TIE1: variants seen among roughly 807,000 people sequenced by gnomAD.
TIE1 encodes the protein tyrosine kinase with immunoglobulin like and EGF like domains 1.
Under a neutral mutation model 130.5 loss-of-function variants are expected in TIE1, and 89 were observed. The ratio of observed to expected loss-of-function variants is 0.68; its 90% CI spans 0.57 to 0.81. The LOEUF (loss-of-function observed/expected upper bound fraction) is 0.81, where lower values mean the gene tolerates loss of function less well. Ranked by LOEUF, TIE1 falls within the 40% of genes least tolerant of loss-of-function variation. TIE1 has a pLI of 0.00. For synonymous variants in TIE1, 568 were observed against 629.4 expected, an observed-to-expected ratio of 0.90 and a Z score of 1.46; for missense variants, 1,392 against 1,559.8, an observed-to-expected ratio of 0.89 and a Z score of 1.81.
Position 43,309,188 on chromosome 1 carries a change from A to C in TIE1, c.1188+57A>C. The stretch of plus-strand genomic sequence containing the variant: ...CCTCAGGCCGCCTGCTTCACAGCTG[A>C]TCCCTAAGACCCCCTAGTCCCTCAG... On this transcript the variant is annotated intron_variant, in intron 8 of 22. Transcript: ENST00000372476. The surrounding 1 kb of genome is among the most constrained non-coding windows in gnomAD (Gnocchi z 6.3). 1 of 1,545,204 alleles carries C rather than the reference A, an allele frequency of 6.5e-7. No individual in the cohort carries two copies. The highest frequency in any genetic ancestry group is 8.7e-7 in the Non-Finnish European group (1 of 1,144,120).
At chr1:43,314,534 A>G in intron 14 of TIE1, 1 of 999,298 alleles carries the variant, frequency 1.0e-6, no homozygotes, top group Non-Finnish European at 1.2e-6. Flanking sequence ...CCTTTTGGAG[A>G]CTTAAGAAAG....
intron 1 of TIE1, 61 bp from the exon 2 acceptor site, chr1:43,304,790 G>C (rs887170872): frequency 1.5e-6 from 2 of 1,375,102 alleles, no homozygotes; most frequent in African/African-American, 3.1e-5. Context: ...CTGGGGCTGG[G>C]GGCTCTGGGG....
In TIE1 at chr1:43,322,959, G is replaced by A; in HGVS notation, c.*237G>A. ...TCTTTCTAGTTCAGCTGCCCCACAGGTGTGTTTCCCATCCCACTGCTCCCC... is the reference window on the plus strand; with the variant it reads ...TCTTTCTAGTTCAGCTGCCCCACAGATGTGTTTCCCATCCCACTGCTCCCC... On this transcript the variant is annotated 3_prime_UTR_variant, in exon 23 of 23. Transcript: ENST00000372476. The surrounding 1 kb of genome is among the most constrained non-coding windows in gnomAD (Gnocchi z 4.0). 2 of 521,644 alleles carry A rather than the reference G, an allele frequency of 3.8e-6. No individual in the cohort carries two copies. Among genetic ancestry groups the A allele is most frequent in the South Asian group, 2.5e-5 (1 of 39,920 alleles). 32.3% of individuals were successfully genotyped at this position (521,644 alleles called of 1,614,324 possible).
At position 43,305,159 on chromosome 1, in the gene TIE1, C is replaced by T. The variant is rs199695385; in HGVS notation, c.367C>T (p.Pro123Ser). The T allele has an allele frequency of 1.9e-6, 3 of 1,614,030 alleles. No homozygotes were observed. The Admixed American group carries it at 5.0e-5, about 27-fold the overall frequency. Residue 123 changes from proline (P) to serine (S), a missense_variant, in exon 2 of 23, where the codon CCT (proline) becomes TCT (serine). Pro to Ser is a moderately conservative substitution (Grantham distance 74). Transcript: ENST00000372476. ...GCGCGTCATCTACGTGCACAACAGC[C>T]CTGGAGGTGAGTTAGGCAGGCGGGG... ...RTRVIYVHNS[P>S]GAHLLPDKVT... is the part of the protein sequence containing the mutation.
At position 43,305,322 on chromosome 1, in the gene TIE1, G is replaced by C. The variant is rs1299038418; in HGVS notation, c.463G>C (p.Asp155His). ...ACGTGTGCACAAGGAGAAGCAGACA[G>C]ACGTGATCTGGAAGAGCAACGGTAA... ...SARVHKEKQT[D>H]VIWKSNGSYF... The change falls in exon 3 of 23, where the codon GAC (aspartate) becomes CAC (histidine). Residue 155 changes from aspartate to histidine, a missense_variant. This residue lies in a region of TIE1 where 415 missense variants were observed against 424.8 expected (regional missense o/e 0.98). Transcript: ENST00000372476. 1 of 1,574,780 alleles carries C rather than the reference G, an allele frequency of 6.4e-7. No homozygotes were observed. The highest frequency in any genetic ancestry group is 1.4e-5 in the African/African-American group (1 of 69,874).
chr1:43,305,352 G>A lies in TIE1; in HGVS notation c.484+9G>A, dbSNP rs1189961463. ...GATCTGGAAGAGCAACGGTAAAGAG[G>A]GGCATTTGAACTGGTGGGGAGGGTA... On this transcript the variant is annotated intron_variant, in intron 3 of 22. Transcript: ENST00000372476. 2 of 1,541,394 alleles carry A rather than the reference G, an allele frequency of 1.3e-6. No individual in the cohort carries two copies. The highest frequency in any genetic ancestry group is 4.7e-5 in the East Asian group (2 of 42,882).
At chr1:43,303,560 A>C (rs552738890) in intron 1 of TIE1, among the ~76,000 whole-genome samples, 1 of 152,302 alleles carries the variant, frequency 6.6e-6, no homozygotes, top group African/African-American at 2.4e-5. Flanking sequence ...GAGACAGAGA[A>C]GGAAGGGCTT....
In TIE1 at chr1:43,308,981, C is replaced by G. The variant is rs374374788; in HGVS notation, c.1043-5C>G. On this transcript the variant is annotated splice_polypyrimidine_tract_variant and splice_region_variant and intron_variant, in intron 7 of 22. Transcript: ENST00000372476. ...AGCTCCAGGATGAGTGTCCTTTCTC[C>G]CCAGACCGGATCCCCCAGATCCTCA... 7 of 1,613,874 alleles carry G rather than the reference C, an allele frequency of 4.3e-6. No individual in the cohort carries two copies. The highest frequency in any genetic ancestry group is 5.1e-6 in the Non-Finnish European group (6 of 1,179,956).
Position 43,309,651 on chromosome 1 carries a change from A to G in TIE1, c.1333+119A>G. ...AGGACATCTAAGGTCATAGCCTAGC[A>G]CCAGACAAAAAGCGGGGTTGTGGTC... is the stretch of plus-strand genomic sequence containing the variant. On this transcript the variant is annotated intron_variant, in intron 9 of 22. Transcript: ENST00000372476. This position sits in a 1 kb window ranked among gnomAD's most constrained non-coding sequence, Gnocchi z 6.3. The G allele has an allele frequency of 7.4e-7, 1 of 1,349,170 alleles. No individual in the cohort carries two copies. The highest frequency in any genetic ancestry group is 1.8e-5 in the South Asian group (1 of 54,714). The allele number at this position is 1,349,170 out of a possible 1,614,324, so 83.6% of individuals were successfully genotyped here. A position where few individuals can be genotyped will look rare whatever the true frequency, so the allele number is the denominator to read the frequency against.
chr1:43,306,841 A>T lies in TIE1; in HGVS notation c.486A>T (p.Gly162=). The change falls in exon 4 of 23, where the codon GGA becomes GGT. Residue 162 remains glycine, a splice_region_variant and synonymous_variant. Transcript: ENST00000372476. The surrounding 1 kb of genome is among the most constrained non-coding windows in gnomAD (Gnocchi z 4.9). ...CCCTGACACATTCATGTCCCCCAGG[A>T]TCCTACTTCTACACCCTGGACTGGC... is the stretch of plus-strand genomic sequence containing the variant. ...KQTDVIWKSN[G]SYFYTLDWHE... The T allele has an allele frequency of 6.2e-7, 1 of 1,609,538 alleles. No individual in the cohort carries two copies. Among genetic ancestry groups the T allele is most frequent in the Non-Finnish European group, 8.5e-7 (1 of 1,177,726 alleles).
chr1:43,306,710 TC>T lies in TIE1; in HGVS notation c.485-129del, dbSNP rs1646731374. The T allele has an allele frequency of 8.2e-7, 1 of 1,220,968 alleles. No homozygotes were observed. Among genetic ancestry groups the T allele is most frequent in the East Asian group, 2.4e-5 (1 of 42,304 alleles). 75.6% of individuals were successfully genotyped at this position (1,220,968 alleles called of 1,614,324 possible). On this transcript the variant is annotated intron_variant, in intron 3 of 22. Transcript: ENST00000372476. This position sits in a 1 kb window ranked among gnomAD's most constrained non-coding sequence, Gnocchi z 4.9. ...AGCTTTCTGGCGTGGGCATAGGCTC[TC>T]GTGGTGCCGGCCCTAGGTCTCATCA... is the stretch of plus-strand genomic sequence containing the variant.
rs202130715 is a variant in TIE1 at position 43,309,436 on chromosome 1, G to A, written c.1237G>A (p.Val413Met). Residue 413 changes from valine to methionine, a missense_variant, in exon 9 of 23, where the codon GTG (valine) becomes ATG (methionine). By Grantham distance (21) the Val-to-Met change is conservative (BLOSUM62 1). Coordinates refer to ENST00000372476, the MANE Select transcript of TIE1 (RefSeq NM_005424.5). The surrounding 1 kb of genome is among the most constrained non-coding windows in gnomAD (Gnocchi z 6.3). ...AGAGAAGACCACAGCTGAGTTCGAG[G>A]TGCCCCGCTTGGTTCTTGCGGACAG... ...EPEKTTAEFE[V>M]PRLVLADSGF... The A allele has an allele frequency of 3.6e-5, 58 of 1,611,510 alleles. No homozygotes were observed. The East Asian group carries it at 1.2e-3, about 35-fold the overall frequency.
At position 43,306,782 on chromosome 1, in the gene TIE1, G is replaced by A. The variant is rs1354776725; in HGVS notation, c.485-58G>A. 1 of 1,544,906 alleles carries A rather than the reference G, an allele frequency of 6.5e-7. No homozygotes were observed. Among genetic ancestry groups the A allele is most frequent in the African/African-American group, 1.4e-5 (1 of 73,100 alleles). ...TGTGAGCTGAGCAGAGGTGGACAGAGAGAGGTGACACAGCCCTCATGTAGT... is the reference window on the plus strand; with the variant it reads ...TGTGAGCTGAGCAGAGGTGGACAGAAAGAGGTGACACAGCCCTCATGTAGT... On this transcript the variant is annotated intron_variant, in intron 3 of 22. Coordinates refer to ENST00000372476, the MANE Select transcript of TIE1 (RefSeq NM_005424.5). The surrounding 1 kb of genome is among the most constrained non-coding windows in gnomAD (Gnocchi z 4.9).
intron 14 of TIE1, chr1:43,314,598 C>T (rs1011630252): frequency 1.0e-4 from 99 of 969,176 alleles, no homozygotes; most frequent in African/African-American, 1.6e-4. Flanking sequence ...GAGGCTGAGG[C>T]GGGTGGATCG....
chr1:43,311,335 G>A (rs879677765), intron 9 of TIE1, among the ~76,000 whole-genome samples: 2 of 151,882 alleles, frequency 1.3e-5, no homozygotes, highest in Non-Finnish European at 2.9e-5. Flanking sequence ...GGCAGGGGCA[G>A]AGAGCAGGAT....
chr1:43,315,686 T>C lies in TIE1; in HGVS notation c.2410-1513T>C, dbSNP rs543047481. Reference sequence around the variant, plus strand: ...AAAAAAAATCCATTCAGAGATTCAATTGGCTTCTTTGTTCCAAGCTGTGTT... The same window carrying C: ...AAAAAAAATCCATTCAGAGATTCAACTGGCTTCTTTGTTCCAAGCTGTGTT... On this transcript the variant is annotated intron_variant, in intron 14 of 22. Transcript: ENST00000372476. The surrounding 1 kb of genome is among the most constrained non-coding windows in gnomAD (Gnocchi z 4.4). 4.6e-5 allele frequency among the ~76,000 whole-genome samples: 7 copies of C among 152,080 alleles called. No homozygotes were observed. Among genetic ancestry groups the C allele is most frequent in the East Asian group, 1.9e-4 (1 of 5,198 alleles).
chr1:43,303,624 A>G (rs973861785), intron 1 of TIE1, among the ~76,000 whole-genome samples: 1 of 152,046 alleles, frequency 6.6e-6, no homozygotes, highest in African/African-American at 2.4e-5. Flanking sequence ...CAGGCTCTCC[A>G]CCGTCCAGAC....
At chr1:43,308,288 A>G (rs373078795) in intron 7 of TIE1, among the ~76,000 whole-genome samples, 1 of 152,232 alleles carries the variant, frequency 6.6e-6, no homozygotes, top group African/African-American at 2.4e-5. Context: ...AACTGAGGAA[A>G]GAACAAGAGC....
Position 43,317,518 on chromosome 1 carries a change from T to C in TIE1, c.2621-46T>C. 2 of 1,609,290 alleles carry C rather than the reference T, an allele frequency of 1.2e-6. No homozygotes were observed. The highest frequency in any genetic ancestry group is 1.7e-6 in the Non-Finnish European group (2 of 1,175,918). On this transcript the variant is annotated intron_variant, in intron 15 of 22. Coordinates refer to ENST00000372476, the MANE Select transcript of TIE1 (RefSeq NM_005424.5). The surrounding 1 kb of genome is among the most constrained non-coding windows in gnomAD (Gnocchi z 5.1). ...TTGACCCCAGCCCTTGCCAGCCCTT[T>C]CTCCAGAGTTATTTCTGGCAAAATA... is the stretch of plus-strand genomic sequence containing the variant.
Sources: allele counts gnomAD v4.1 joint callset (sites outside exome capture counted in the v4.1 genomes callset), GRCh38; gene constraint gnomAD v4.1.1; regional missense constraint gnomAD v4.1.1; non-coding constraint Gnocchi (gnomAD v3.1); transcripts MANE v1.5; gene names NCBI Gene and HGNC (gene_info 2026-07-23, HGNC 2026-07-21).